The following SDC2 variants were observed in gnomAD, a reference collection of about 807,000 sequenced individuals.
The protein encoded by SDC2 is syndecan 2.
SDC2 carries 13 observed loss-of-function variants against 22.2 expected under a neutral mutation model. The ratio of observed to expected loss-of-function variants is 0.59; its 90% CI spans 0.38 to 0.93. The LOEUF (loss-of-function observed/expected upper bound fraction) is 0.93, where lower values mean the gene tolerates loss of function less well. Ranked by LOEUF, SDC2 falls within the 40% of genes least tolerant of loss-of-function variation. SDC2 has a pLI of 0.00. For synonymous variants in SDC2, 94 were observed against 92.8 expected, an observed-to-expected ratio of 1.01 and a Z score of -0.07; for missense variants, 235 against 246.8, an observed-to-expected ratio of 0.95 and a Z score of 0.32.
At chr8:96,524,982 G>A (rs762340317) in intron 1 of SDC2, among the ~76,000 whole-genome samples, 60 of 152,194 alleles carry the variant, frequency 3.9e-4, no homozygotes, top group African/African-American at 4.3e-4. Context: ...ATTATTTGTC[G>A]GGTTACATGG....
chr8:96,594,801 G>A (rs1814845001), intron 2 of SDC2, among the ~76,000 whole-genome samples: 1 of 152,194 alleles, frequency 6.6e-6, no homozygotes, highest in South Asian at 2.1e-4. Context: ...ATGGCAGAAG[G>A]GGAAACAAAC....
intron 2 of SDC2, among the ~76,000 whole-genome samples, chr8:96,601,486 A>G (rs1814983730): frequency 6.6e-6 from 1 of 151,740 alleles, no homozygotes; most frequent in South Asian, 2.1e-4. Flanking sequence ...CTAAAAATAC[A>G]AAAAATTAGC....
chr8:96,503,939 C>G (rs1813202548), intron 1 of SDC2, among the ~76,000 whole-genome samples: 1 of 151,968 alleles, frequency 6.6e-6, no homozygotes, highest in East Asian at 1.9e-4. Context: ...TATTAGATGT[C>G]AAAATTTTAA....
chr8:96,511,372 T>A (rs951503585), intron 1 of SDC2, among the ~76,000 whole-genome samples: 7 of 152,210 alleles, frequency 4.6e-5, no homozygotes, highest in Admixed American at 1.3e-4. Context: ...GGGAGCTCTT[T>A]AGAAATCCAG....
intron 2 of SDC2, among the ~76,000 whole-genome samples, chr8:96,597,436 C>T (rs1407125149): frequency 6.6e-6 from 1 of 152,206 alleles, no homozygotes; most frequent in Non-Finnish European, 1.5e-5. Context: ...ACACACCTCT[C>T]CTGTGTGCTC....
At chr8:96,532,416 T>TC (rs1813677489) in intron 1 of SDC2, among the ~76,000 whole-genome samples, 1 of 141,312 alleles carries the variant, frequency 7.1e-6, no homozygotes, top group Non-Finnish European at 1.6e-5. Flanking sequence ...TGAGGCGTTT[T>TC]TTTTTTTTTT....
chr8:96,605,078 G>A (rs770348874), intron 3 of SDC2, among the ~76,000 whole-genome samples: 11 of 152,116 alleles, frequency 7.2e-5, no homozygotes, highest in African/African-American at 2.2e-4. Context: ...TCAGCCTGCC[G>A]GATCAGAGGC....
At chr8:96,585,689 T>G (rs1419557903) in intron 1 of SDC2, among the ~76,000 whole-genome samples, 1 of 152,180 alleles carries the variant, frequency 6.6e-6, no homozygotes, top group Admixed American at 6.5e-5. Context: ...CTGCACTAGG[T>G]ACTGTTCTGT....
At chr8:96,495,153 C>T (rs1813049803) in intron 1 of SDC2, among the ~76,000 whole-genome samples, 1 of 152,170 alleles carries the variant, frequency 6.6e-6, no homozygotes, top group African/African-American at 2.4e-5. Context: ...TGACACGGCG[C>T]TCGGCTTCGG....
intron 1 of SDC2, among the ~76,000 whole-genome samples, chr8:96,550,727 T>G (rs1814013275): frequency 6.6e-6 from 1 of 152,118 alleles, no homozygotes; most frequent in Non-Finnish European, 1.5e-5. Flanking sequence ...ATGTTCTATT[T>G]AAAGTATATT....
chr8:96,606,012 G>A (rs1815073155), intron 3 of SDC2, among the ~76,000 whole-genome samples: 1 of 152,180 alleles, frequency 6.6e-6, no homozygotes, highest in Non-Finnish European at 1.5e-5. Flanking sequence ...CCTTCAGAAA[G>A]CAATCATTTG....
At chr8:96,529,685 T>C (rs976694939) in intron 1 of SDC2, among the ~76,000 whole-genome samples, 1 of 152,192 alleles carries the variant, frequency 6.6e-6, no homozygotes, top group Admixed American at 6.5e-5. Flanking sequence ...GTAGCCTTCT[T>C]ACTTGGGGCA....
chr8:96,500,967 G>C (rs938799263), intron 1 of SDC2, among the ~76,000 whole-genome samples: 2 of 152,198 alleles, frequency 1.3e-5, no homozygotes, highest in African/African-American at 2.4e-5. Flanking sequence ...TGAAGCCAAT[G>C]AGTATGCAGC....
intron 1 of SDC2, among the ~76,000 whole-genome samples, chr8:96,533,017 A>G (rs1262778337): frequency 6.6e-6 from 1 of 152,178 alleles, no homozygotes; most frequent in African/African-American, 2.4e-5. Flanking sequence ...TGTAGTTCTT[A>G]AAGGCAGCGT....
rs1413204062 is a variant in SDC2, at chr8:96,611,704, T to A, written c.*2156T>A. 1 of 152,648 alleles carries A rather than the reference T, an allele frequency of 6.6e-6. No individual in the cohort carries two copies. Among genetic ancestry groups the A allele is most frequent in the African/African-American group, 2.4e-5 (1 of 41,464 alleles). The allele number at this position is 152,648 out of a possible 1,614,324, so 9.5% of individuals were successfully genotyped here. A position where few individuals can be genotyped will look rare whatever the true frequency, so the allele number is the denominator to read the frequency against. On this transcript the variant is annotated 3_prime_UTR_variant, in exon 5 of 5. Transcript: ENST00000302190. ...GGAAAAGAAAAATTTCTGGCAAATA[T>A]TTTGTCACTGCTGTAAAGCAAAATA...
intron 1 of SDC2, among the ~76,000 whole-genome samples, chr8:96,533,434 C>T (rs570764097): frequency 6.6e-6 from 1 of 152,314 alleles, no homozygotes; most frequent in South Asian, 2.1e-4. Flanking sequence ...TCTATGTCCT[C>T]ACTAGATTAG....
chr8:96,549,539 C>A (rs1016181181), intron 1 of SDC2, among the ~76,000 whole-genome samples: 3 of 152,228 alleles, frequency 2.0e-5, no homozygotes, highest in Non-Finnish European at 4.4e-5. Context: ...CAATTTGGCC[C>A]CTAATAGGCT....
intron 2 of SDC2, among the ~76,000 whole-genome samples, chr8:96,601,180 G>A (rs190578444): frequency 2.8e-4 from 43 of 152,258 alleles, no homozygotes; most frequent in African/African-American, 9.4e-4. Flanking sequence ...AGAGGAAGGC[G>A]ATTCTGAAGA....
At chr8:96,592,477 CGTT>C (rs1814797396) in intron 1 of SDC2, among the ~76,000 whole-genome samples, 1 of 152,110 alleles carries the variant, frequency 6.6e-6, no homozygotes, top group African/African-American at 2.4e-5. Context: ...TCCAAACAAG[CGTT>C]GTTTAAAAGC....
Sources: gnomAD v4.1 joint callset for allele counts (sites outside exome capture counted in the v4.1 genomes callset) on GRCh38, gnomAD v4.1.1 for gene constraint, MANE v1.5 for transcripts, NCBI Gene and HGNC (gene_info 2026-07-23, HGNC 2026-07-21) for gene names.